Variants in GRIK1 observed in about 807,000 individuals in gnomAD.
The protein encoded by GRIK1 is glutamate receptor ionotropic, kainate 1.
Under a neutral mutation model 105.7 loss-of-function variants are expected in GRIK1, and 69 were observed. That is an observed-to-expected ratio of 0.65 (90% confidence interval 0.54 to 0.80). The LOEUF (loss-of-function observed/expected upper bound fraction) is 0.80, where lower values mean the gene tolerates loss of function less well. GRIK1 is among the 30% of genes least tolerant of loss of function. GRIK1 has a pLI of 0.00. For synonymous variants in GRIK1, 438 were observed against 431.3 expected, an observed-to-expected ratio of 1.02 and a Z score of -0.19; for missense variants, 1,109 against 1,167.3, an observed-to-expected ratio of 0.95 and a Z score of 0.73.
chr21:29,871,660 T>G (rs569536828), intron 1 of GRIK1, among the ~76,000 whole-genome samples: 1 of 152,026 alleles, frequency 6.6e-6, no homozygotes, highest in Admixed American at 6.6e-5. Flanking sequence ...GAAAGGACCC[T>G]GGACTCAAAG....
chr21:29,722,965 G>A (rs969247705), intron 1 of GRIK1, among the ~76,000 whole-genome samples: 5 of 152,278 alleles, frequency 3.3e-5, no homozygotes, highest in East Asian at 3.9e-4. Flanking sequence ...TACTGTTTAT[G>A]TCTATCTCAA....
intron 3 of GRIK1, among the ~76,000 whole-genome samples, chr21:29,674,338 A>G (rs2063224583): frequency 6.7e-6 from 1 of 150,270 alleles, no homozygotes; most frequent in Non-Finnish European, 1.5e-5. Context: ...AGGTTTCTCT[A>G]CCACCATAGT....
intron 4 of GRIK1, among the ~76,000 whole-genome samples, chr21:29,667,252 C>A (rs1308202604): frequency 6.6e-6 from 1 of 152,034 alleles, no homozygotes; most frequent in Admixed American, 6.5e-5. Context: ...GGGATGAAAC[C>A]AATTTAAGCA....
intron 1 of GRIK1, among the ~76,000 whole-genome samples, chr21:29,713,038 G>A (rs2064095493): frequency 6.6e-6 from 1 of 151,706 alleles, no homozygotes; most frequent in Non-Finnish European, 1.5e-5. Flanking sequence ...CTGGACTTTT[G>A]TATGAGGACC....
At chr21:29,800,732 G>T (rs184260730) in intron 1 of GRIK1, among the ~76,000 whole-genome samples, 1 of 152,208 alleles carries the variant, frequency 6.6e-6, no homozygotes, top group Non-Finnish European at 1.5e-5. Flanking sequence ...ACACAAGAAA[G>T]TATAAGACAT....
chr21:29,778,215 T>C (rs2065999435), intron 1 of GRIK1, among the ~76,000 whole-genome samples: 1 of 152,208 alleles, frequency 6.6e-6, no homozygotes, highest in South Asian at 2.1e-4. Flanking sequence ...CTTTGTGTTA[T>C]GTATTTTGTG....
chr21:29,855,034 C>T (rs900944184), intron 1 of GRIK1, among the ~76,000 whole-genome samples: 10 of 152,120 alleles, frequency 6.6e-5, no homozygotes, highest in Admixed American at 1.3e-4. Flanking sequence ...CTTTTGCAAA[C>T]CAGGGCATGA....
intron 3 of GRIK1, among the ~76,000 whole-genome samples, chr21:29,677,243 G>C (rs537769905): frequency 9.0e-4 from 137 of 152,248 alleles, no homozygotes; most frequent in Non-Finnish European, 1.4e-3. Flanking sequence ...TACATGTCCT[G>C]CAACTTTTCT....
rs945249548 is a variant in GRIK1 at position 29,866,653 on chromosome 21, C to A, written c.118+72730G>T. On this transcript the variant is annotated intron_variant, in intron 1 of 17. Transcript: ENST00000327783. ...AACAAAAGAAGTGGGGATGACACTT[C>A]TGATGAACTGAGCAAGTACAAAATA... 2.0e-5 allele frequency among the ~76,000 whole-genome samples: 3 copies of A among 152,128 alleles called. 1 individual carries two copies. The highest frequency in any genetic ancestry group is 2.0e-4 in the Admixed American group (3 of 15,268).
intron 16 of GRIK1, among the ~76,000 whole-genome samples, chr21:29,548,992 A>G (rs1285856883): frequency 6.6e-6 from 1 of 152,114 alleles, no homozygotes; most frequent in Non-Finnish European, 1.5e-5. Flanking sequence ...GGACAACACT[A>G]TGTTTCATTG....
Position 29,920,549 on chromosome 21 carries a change from C to G in GRIK1, c.118+18834G>C, listed in dbSNP as rs8131326. Among the ~76,000 whole-genome samples, 194 of 152,076 alleles carry G rather than the reference C, an allele frequency of 1.3e-3. 4 individuals carry two copies. Among genetic ancestry groups the G allele is most frequent in the African/African-American group, 4.4e-3 (184 of 41,462 alleles). On this transcript the variant is annotated intron_variant, in intron 1 of 17. Coordinates refer to ENST00000327783, the MANE Select transcript of GRIK1 (RefSeq NM_001330994.2). ...TTACAGGAGTTCATAGAACCATGAC[C>G]CTCTCATTAATAATATTTGTCGTAG...
chr21:29,647,738 T>C (rs1209096722), intron 6 of GRIK1, among the ~76,000 whole-genome samples: 1 of 152,132 alleles, frequency 6.6e-6, no homozygotes, highest in Non-Finnish European at 1.5e-5. Context: ...CTGAGAAAAA[T>C]GTAAACATTA....
intron 2 of GRIK1, 118 bp downstream of exon 2, chr21:29,693,778 C>T (rs2070395): frequency 0.026 from 18,575 of 721,580 alleles, 1,114 homozygotes; most frequent in East Asian, 0.19. Flanking sequence ...ACCCAGATTT[C>T]CCGCGACCCA....
intron 1 of GRIK1, among the ~76,000 whole-genome samples, chr21:29,887,733 T>A (rs958992501): frequency 6.6e-6 from 1 of 152,128 alleles, no homozygotes; most frequent in South Asian, 2.1e-4. Flanking sequence ...GCATTTTTTT[T>A]CCTTAGGCTT....
chr21:29,867,930 G>C (rs59044580), intron 1 of GRIK1, among the ~76,000 whole-genome samples: 1 of 96,192 alleles, frequency 1.0e-5, no homozygotes, highest in Non-Finnish European at 2.0e-5. Flanking sequence ...GAGAGAAAGA[G>C]AGAGAAAGAG....
At chr21:29,667,433 A>C (rs2063081353) in intron 4 of GRIK1, among the ~76,000 whole-genome samples, 1 of 152,156 alleles carries the variant, frequency 6.6e-6, no homozygotes, top group Admixed American at 6.5e-5. Context: ...TTTTATGTTA[A>C]TTGAAAGAGA....
intron 2 of GRIK1, among the ~76,000 whole-genome samples, chr21:29,692,897 T>C (rs565631999): frequency 2.0e-5 from 3 of 152,338 alleles, no homozygotes; most frequent in Admixed American, 6.5e-5. Flanking sequence ...TTATCTGTGC[T>C]CCTAAGAAAA....
At chr21:29,813,492 T>G (rs1408272780) in intron 1 of GRIK1, among the ~76,000 whole-genome samples, 1 of 152,160 alleles carries the variant, frequency 6.6e-6, no homozygotes, top group African/African-American at 2.4e-5. Context: ...CACTTGTGTG[T>G]TTTCTTAAGA....
At chr21:29,750,312 T>C (rs2065158452) in intron 1 of GRIK1, among the ~76,000 whole-genome samples, 1 of 147,166 alleles carries the variant, frequency 6.8e-6, no homozygotes, top group African/African-American at 2.5e-5. Flanking sequence ...TTTCTGAATA[T>C]GTACCTACTC....
Sources: allele counts gnomAD v4.1 joint callset (sites outside exome capture counted in the v4.1 genomes callset), GRCh38; gene constraint gnomAD v4.1.1; transcripts MANE v1.5; gene names NCBI Gene and HGNC (gene_info 2026-07-23, HGNC 2026-07-21).